Variants in CCDC138 observed in about 807,000 individuals in gnomAD.
The protein encoded by CCDC138 is coiled-coil domain-containing protein 138.
A neutral mutation model predicts 82.3 loss-of-function variants in CCDC138; 66 were observed. That is an observed-to-expected ratio of 0.80 (90% CI 0.66 to 0.98). CCDC138 has a LOEUF of 0.98. Ranked by LOEUF, CCDC138 falls within the 50% of genes least tolerant of loss-of-function variation. The pLI, the probability that CCDC138 is intolerant of heterozygous loss-of-function variation, is 0.00. For missense variants in CCDC138, 816 were observed against 758.9 expected, an observed-to-expected ratio of 1.08 and a Z score of -0.88; for synonymous variants, 297 against 265.4, an observed-to-expected ratio of 1.12 and a Z score of -1.16.
At chr2:108,832,935 AG>A (rs1687947805) in intron 10 of CCDC138, among the ~76,000 whole-genome samples, 1 of 152,208 alleles carries the variant, frequency 6.6e-6, no homozygotes, top group Non-Finnish European at 1.5e-5. Context: ...AGAGGGAGAC[AG>A]GAAATGGTTT....
chr2:108,790,159 TTAC>T (rs1679669907), intron 3 of CCDC138, among the ~76,000 whole-genome samples: 1 of 152,208 alleles, frequency 6.6e-6, no homozygotes, highest in Non-Finnish European at 1.5e-5. Context: ...ATCATTATTA[TTAC>T]TATTTCATGT....
chr2:108,880,452 C>T (rs1214426539), downstream of CCDC138, among the ~76,000 whole-genome samples: 1 of 152,140 alleles, frequency 6.6e-6, no homozygotes, highest in African/African-American at 2.4e-5. Flanking sequence ...TAATGGCATC[C>T]AGAAGGCTAA....
chr2:108,845,539 T>G (rs1201818498), intron 11 of CCDC138, among the ~76,000 whole-genome samples: 1 of 151,582 alleles, frequency 6.6e-6, no homozygotes, highest in East Asian at 1.9e-4. Context: ...CATTCTGATC[T>G]GCAACAGTTT....
intron 7 of CCDC138, among the ~76,000 whole-genome samples, chr2:108,811,247 C>CTCTCTTTTTTTTTTTTTTTTTTTTTTTT (rs760937756): frequency 8.8e-6 from 1 of 113,904 alleles, no homozygotes; most frequent in Non-Finnish European, 1.7e-5. Context: ...TTCTCTCTCT[C>CTCTCTTTTTTTTTTTTTTTTTTTTTTTT]TTTTTTTTTT....
At chr2:108,873,403 C>T (rs1695566779) in intron 13 of CCDC138, 48 bp from the exon 14 acceptor site, 3 of 1,420,908 alleles carry the variant, frequency 2.1e-6, no homozygotes, top group Non-Finnish European at 2.8e-6. Context: ...TTTTAATTTC[C>T]TTTTTCGCTA....
intron 3 of CCDC138, among the ~76,000 whole-genome samples, chr2:108,790,697 T>A (rs553325688): frequency 6.6e-6 from 1 of 152,266 alleles, no homozygotes; most frequent in South Asian, 2.1e-4. Flanking sequence ...TGAGACTCCG[T>A]CTCAAAAAAT....
At chr2:108,817,837 G>A (rs1346303057) in intron 10 of CCDC138, among the ~76,000 whole-genome samples, 1 of 152,182 alleles carries the variant, frequency 6.6e-6, no homozygotes, top group Non-Finnish European at 1.5e-5. Context: ...TTGTTTAAAT[G>A]TTAAGTTTGT....
At chr2:108,853,879 A>AT (rs1558736912) in intron 12 of CCDC138, among the ~76,000 whole-genome samples, 2 of 123,110 alleles carry the variant, frequency 1.6e-5, no homozygotes, top group African/African-American at 6.4e-5. Flanking sequence ...ATACTATATA[A>AT]TATATTATAT....
At chr2:108,810,827 G>C (rs575790816) in intron 7 of CCDC138, among the ~76,000 whole-genome samples, 3 of 152,168 alleles carry the variant, frequency 2.0e-5, no homozygotes, top group African/African-American at 7.2e-5. Context: ...GCTTTTCTTT[G>C]TTGGGAAACT....
chr2:108,839,305 A>G lies in CCDC138; in HGVS notation c.1323+4A>G. ...GCAGCTAGATGCTGGAGCACAGGTA[A>G]TTGGTTAATAGGAATTTATCTATAA... On this transcript the variant is annotated splice_donor_region_variant and intron_variant, in intron 11 of 14. Coordinates refer to ENST00000295124, the MANE Select transcript of CCDC138 (RefSeq NM_144978.3). 6.2e-7 allele frequency: 1 copy of G among 1,606,622 alleles called. No individual in the cohort carries two copies. Among genetic ancestry groups the G allele is most frequent in the Non-Finnish European group, 8.5e-7 (1 of 1,176,708 alleles).
downstream of CCDC138, among the ~76,000 whole-genome samples, chr2:108,877,559 C>T (rs1017838454): frequency 6.6e-6 from 1 of 151,106 alleles, no homozygotes; most frequent in African/African-American, 2.4e-5. Flanking sequence ...ATTAGCATGA[C>T]AAGAACAAAC....
chr2:108,803,930 CTG>C (rs1354924061), intron 6 of CCDC138, among the ~76,000 whole-genome samples: 6 of 152,244 alleles, frequency 3.9e-5, no homozygotes, highest in South Asian at 2.1e-4. Flanking sequence ...TTAAAAATAA[CTG>C]TATTTGTGAC....
At chr2:108,815,834 G>A in intron 9 of CCDC138, 107 bp from the exon 10 acceptor site, 1 of 922,282 alleles carries the variant, frequency 1.1e-6, no homozygotes, top group Non-Finnish European at 1.6e-6. Context: ...ACATTTTAGT[G>A]AATTACTTTA....
At chr2:108,875,954 G>A (rs550600687) in intron 14 of CCDC138, 134 bp from the exon 15 acceptor site, 10 of 573,566 alleles carry the variant, frequency 1.7e-5, no homozygotes, top group Non-Finnish European at 2.7e-5. Flanking sequence ...TAATCTTTTA[G>A]TTGCCTATTT....
At chr2:108,820,538 C>G (rs1478979166) in intron 10 of CCDC138, among the ~76,000 whole-genome samples, 1 of 151,940 alleles carries the variant, frequency 6.6e-6, no homozygotes, top group Non-Finnish European at 1.5e-5. Context: ...CTCTAACATA[C>G]ATTATAATCA....
intron 12 of CCDC138, among the ~76,000 whole-genome samples, chr2:108,848,316 G>A (rs1045589714): frequency 4.6e-5 from 7 of 152,136 alleles, no homozygotes; most frequent in African/African-American, 1.7e-4. Flanking sequence ...GTCACCACTT[G>A]TGTGCAGCAG....
rs141898396 is a variant in CCDC138 at position 108,835,651 on chromosome 2, C to T, written c.1207-3534C>T. Among the ~76,000 whole-genome samples the T allele has an allele frequency of 1.0e-3, 152 of 152,216 alleles. No individual in the cohort carries two copies. The South Asian group carries it at 0.011, about 11-fold the overall frequency. ...ACCCATATAATTTCTCAAACTGTGA[C>T]GAAAACATAAAAAATTTATTATCTT... On this transcript the variant is annotated intron_variant, in intron 10 of 14. Transcript: ENST00000295124.
chr2:108,853,899 ATTATATATT>A (rs1692017795), intron 12 of CCDC138, among the ~76,000 whole-genome samples: 1 of 120,164 alleles, frequency 8.3e-6, no homozygotes, highest in Non-Finnish European at 1.6e-5. Context: ...TAGTATATAT[ATTATATATT>A]ATATAGTATA....
intron 13 of CCDC138, among the ~76,000 whole-genome samples, chr2:108,868,588 G>A (rs966425687): frequency 6.6e-6 from 1 of 152,106 alleles, no homozygotes; most frequent in East Asian, 1.9e-4. Context: ...TGCTGGCAGG[G>A]TAGCTACATG....
Sources: allele counts gnomAD v4.1 joint callset (sites outside exome capture counted in the v4.1 genomes callset), GRCh38; gene constraint gnomAD v4.1.1; transcripts MANE v1.5; gene names NCBI Gene and HGNC (gene_info 2026-07-23, HGNC 2026-07-21).